Variants in BRINP3 observed in about 807,000 individuals in gnomAD.
The protein encoded by BRINP3 is BMP/retinoic acid-inducible neural-specific protein 3.
Under a neutral mutation model 71.0 loss-of-function variants are expected in BRINP3, and 19 were observed. The observed-to-expected ratio is 0.27, with a 90% CI of 0.19 to 0.39. BRINP3 has a LOEUF of 0.39. Among genes scored for constraint, BRINP3 ranks in the 10% least tolerant of loss-of-function variants. The pLI is 1.00. For missense variants in BRINP3, 959 were observed against 940.8 expected, an observed-to-expected ratio of 1.02 and a Z score of -0.25; for synonymous variants, 380 against 337.7, an observed-to-expected ratio of 1.13 and a Z score of -1.37.
chr1:190,372,831 A>G (rs1195611724), intron 2 of BRINP3, among the ~76,000 whole-genome samples: 1 of 152,200 alleles, frequency 6.6e-6, no homozygotes, highest in Admixed American at 6.5e-5. Context: ...AGTTTAAATA[A>G]ATGGACAAAA....
intron 2 of BRINP3, among the ~76,000 whole-genome samples, chr1:190,366,513 G>A (rs940007393): frequency 6.6e-6 from 1 of 151,896 alleles, no homozygotes; most frequent in Non-Finnish European, 1.5e-5. Context: ...TCCACCTTTG[G>A]CCTCTCCCAA....
intron 2 of BRINP3, among the ~76,000 whole-genome samples, chr1:190,354,341 T>C (rs1212139124): frequency 6.6e-6 from 1 of 152,028 alleles, no homozygotes; most frequent in Non-Finnish European, 1.5e-5. Context: ...CAAACTACGA[T>C]GCACGGACAG....
chr1:190,427,189 G>T (rs539152910), intron 2 of BRINP3, among the ~76,000 whole-genome samples: 1 of 151,732 alleles, frequency 6.6e-6, no homozygotes, highest in Non-Finnish European at 1.5e-5. Flanking sequence ...TATAAATAGC[G>T]TATGTAAAAT....
Position 190,222,068 on chromosome 1 carries a change from C to T in BRINP3, c.961+4014G>A, listed in dbSNP as rs191042422. On this transcript the variant is annotated intron_variant, in intron 6 of 7. Coordinates refer to ENST00000367462, the MANE Select transcript of BRINP3 (RefSeq NM_199051.3). ...TAAACTACGCACTAGATCTAATGGG[C>T]CCTAGATGACATTAACAAAACATTT... 1.3e-4 allele frequency among the ~76,000 whole-genome samples: 19 copies of T among 151,962 alleles called. No homozygotes were observed. In the East Asian group the frequency reaches 3.5e-3, roughly 28 times the overall value.
At chr1:190,359,842 A>G (rs1273317915) in intron 2 of BRINP3, among the ~76,000 whole-genome samples, 2 of 152,148 alleles carry the variant, frequency 1.3e-5, no homozygotes, top group Admixed American at 1.3e-4. Flanking sequence ...TTGTCTAATT[A>G]TCAAACTGAG....
At chr1:190,425,034 T>C (rs538010435) in intron 2 of BRINP3, among the ~76,000 whole-genome samples, 1 of 151,410 alleles carries the variant, frequency 6.6e-6, no homozygotes, top group Non-Finnish European at 1.5e-5. Flanking sequence ...AAAAATCAGA[T>C]TGAATGCAAA....
At chr1:190,146,745 A>G (rs1389785157) in intron 7 of BRINP3, among the ~76,000 whole-genome samples, 1 of 152,042 alleles carries the variant, frequency 6.6e-6, no homozygotes, top group Non-Finnish European at 1.5e-5. Context: ...ATATTTGGCA[A>G]TCCTAGTCTA....
At chr1:190,287,251 A>G (rs1663502197) in intron 2 of BRINP3, among the ~76,000 whole-genome samples, 1 of 151,920 alleles carries the variant, frequency 6.6e-6, no homozygotes, top group South Asian at 2.1e-4. Flanking sequence ...AAACATTCTT[A>G]CCATATAGCT....
At chr1:190,456,217 GA>G (rs1235443398) in intron 1 of BRINP3, among the ~76,000 whole-genome samples, 1 of 152,084 alleles carries the variant, frequency 6.6e-6, no homozygotes, top group Non-Finnish European at 1.5e-5. Flanking sequence ...TTCTATCTGA[GA>G]GATATAGAGA....
chr1:190,367,214 A>C (rs1669563102), intron 2 of BRINP3, among the ~76,000 whole-genome samples: 1 of 152,210 alleles, frequency 6.6e-6, no homozygotes, highest in African/African-American at 2.4e-5. Context: ...ATTCTCTGAA[A>C]TCTAGGCAGA....
intron 2 of BRINP3, among the ~76,000 whole-genome samples, chr1:190,334,787 T>C (rs1012426552): frequency 4.6e-5 from 7 of 151,724 alleles, no homozygotes; most frequent in Admixed American, 4.0e-4. Flanking sequence ...AAGGTGAAAA[T>C]GCTGTAGTGG....
At chr1:190,398,332 G>A (rs1386867014) in intron 2 of BRINP3, among the ~76,000 whole-genome samples, 1 of 151,932 alleles carries the variant, frequency 6.6e-6, no homozygotes, top group East Asian at 1.9e-4. Context: ...TGATTAACAG[G>A]AAGCCGACTA....
chr1:190,172,067 C>T (rs185123646), intron 6 of BRINP3, among the ~76,000 whole-genome samples: 13 of 150,946 alleles, frequency 8.6e-5, no homozygotes, highest in Non-Finnish European at 7.4e-5. Flanking sequence ...CACCACTGCA[C>T]TCCAACTTGG....
chr1:190,150,244 G>A (rs1411153815), intron 7 of BRINP3, among the ~76,000 whole-genome samples: 1 of 149,584 alleles, frequency 6.7e-6, no homozygotes, highest in East Asian at 2.0e-4. Context: ...ATTTTAATGA[G>A]TTGGTATATA....
intron 3 of BRINP3, among the ~76,000 whole-genome samples, chr1:190,278,296 A>T (rs769224665): frequency 6.6e-6 from 1 of 151,654 alleles, no homozygotes; most frequent in Non-Finnish European, 1.5e-5. Flanking sequence ...CCCTAGTGTT[A>T]TAAGTTTTTC....
intron 2 of BRINP3, among the ~76,000 whole-genome samples, chr1:190,353,294 T>C (rs953299131): frequency 6.6e-6 from 1 of 152,004 alleles, no homozygotes; most frequent in Admixed American, 6.6e-5. Context: ...TTAGTATTCC[T>C]CAGCATGATG....
chr1:190,468,670 C>A (rs1277814368), intron 1 of BRINP3, among the ~76,000 whole-genome samples: 3 of 150,978 alleles, frequency 2.0e-5, no homozygotes, highest in Non-Finnish European at 4.5e-5. Context: ...AATAATCTGA[C>A]TTTGATATAA....
intron 2 of BRINP3, among the ~76,000 whole-genome samples, chr1:190,306,116 T>G (rs1476835053): frequency 6.6e-6 from 1 of 151,856 alleles, no homozygotes; most frequent in Non-Finnish European, 1.5e-5. Context: ...TCATAATAAT[T>G]TGTAATGCAT....
chr1:190,167,176 C>T (rs1332279213), intron 6 of BRINP3, among the ~76,000 whole-genome samples: 1 of 151,976 alleles, frequency 6.6e-6, no homozygotes, highest in Admixed American at 6.6e-5. Context: ...ATTAAGTGAG[C>T]TAGAGCCTGT....
Sources: gnomAD v4.1 joint callset for allele counts (sites outside exome capture counted in the v4.1 genomes callset) on GRCh38, gnomAD v4.1.1 for gene constraint, MANE v1.5 for transcripts, NCBI Gene and HGNC (gene_info 2026-07-23, HGNC 2026-07-21) for gene names.